Variants in ERGIC1 observed in about 807,000 individuals in gnomAD.
The protein encoded by ERGIC1 is endoplasmic reticulum-Golgi intermediate compartment protein 1.
In ERGIC1, 19 loss-of-function variants were observed where a neutral mutation model predicts 38.3. The observed-to-expected ratio is 0.50, with a 90% CI of 0.35 to 0.73. The LOEUF is 0.73. ERGIC1 is among the 30% of genes least tolerant of loss of function. ERGIC1 has a pLI of 0.01. For missense variants in ERGIC1, 294 were observed against 389.2 expected (o/e 0.76, Z 2.06); for synonymous variants, 124 against 157.6 (o/e 0.79, Z 1.60).
At chr5:172,835,172 G>C (rs1761004193) in intron 1 of ERGIC1, among the ~76,000 whole-genome samples, 1 of 152,210 alleles carries the variant, frequency 6.6e-6, no homozygotes, top group Non-Finnish European at 1.5e-5. Context: ...CTCCACCAGA[G>C]GTTCCCTTGA....
intron 8 of ERGIC1, chr5:172,934,582 G>A (rs548808079): frequency 1.2e-5 from 2 of 160,456 alleles, no homozygotes; most frequent in South Asian, 1.7e-4. Context: ...TATTCATCAT[G>A]TGTGGCTCAG....
At chr5:172,915,478 C>G in intron 5 of ERGIC1, 1 of 438,626 alleles carries the variant, frequency 2.3e-6, no homozygotes, top group South Asian at 1.7e-5. Context: ...CTTGTCCGCT[C>G]AGAAGGACCA....
At chr5:172,856,710 A>G (rs758345900) in intron 1 of ERGIC1, among the ~76,000 whole-genome samples, 5 of 152,158 alleles carry the variant, frequency 3.3e-5, no homozygotes, top group Non-Finnish European at 7.4e-5. Context: ...TATGGGTTAG[A>G]ATGGTTCCCA....
chr5:172,858,248 G>A (rs576579936), intron 1 of ERGIC1, among the ~76,000 whole-genome samples: 54 of 152,286 alleles, frequency 3.5e-4, no homozygotes, highest in East Asian at 1.4e-3. Context: ...CGGCTGAAGC[G>A]GCTGCTGGAC....
chr5:172,864,523 A>G (rs1349534128), intron 1 of ERGIC1, among the ~76,000 whole-genome samples: 2 of 151,928 alleles, frequency 1.3e-5, no homozygotes, highest in Non-Finnish European at 2.9e-5. Flanking sequence ...CAGGCAAGAG[A>G]AGGATAAATA....
intron 9 of ERGIC1, among the ~76,000 whole-genome samples, chr5:172,941,328 T>C (rs773586940): frequency 2.0e-5 from 3 of 152,216 alleles, no homozygotes; most frequent in Non-Finnish European, 2.9e-5. Flanking sequence ...GCTACCCTTA[T>C]TAAGCACCTA....
Position 172,914,450 on chromosome 5 carries a change from C to G in ERGIC1, c.251-264C>G, listed in dbSNP as rs1763298024. 1.6e-5 allele frequency: 9 copies of G among 564,044 alleles called. No homozygotes were observed. The South Asian group carries it at 1.8e-4, about 11-fold the overall frequency. The allele number at this position is 564,044 out of a possible 1,614,324, so 34.9% of individuals were successfully genotyped here. A position where few individuals can be genotyped will look rare whatever the true frequency, so the allele number is the denominator to read the frequency against. ...GCATCCAGAGGTTAAGTACCTGAGG[C>G]AGGACCCAGATTCAGAGGACCAGTA... On this transcript the variant is annotated intron_variant, in intron 4 of 9. Coordinates refer to ENST00000393784, the MANE Select transcript of ERGIC1 (RefSeq NM_001031711.3).
intron 1 of ERGIC1, among the ~76,000 whole-genome samples, chr5:172,848,336 G>A (rs79041692): frequency 0.014 from 2,148 of 152,296 alleles, 40 homozygotes; most frequent in African/African-American, 0.049. Context: ...CCATTGTGAT[G>A]AGTGCTGAGA....
intron 3 of ERGIC1, among the ~76,000 whole-genome samples, chr5:172,905,673 G>A (rs962962888): frequency 6.6e-6 from 1 of 152,240 alleles, no homozygotes; most frequent in African/African-American, 2.4e-5. Flanking sequence ...CCAGAGGGGT[G>A]GAAGTCAGCG....
chr5:172,886,221 T>C (rs571142219), intron 1 of ERGIC1, among the ~76,000 whole-genome samples: 3 of 152,144 alleles, frequency 2.0e-5, no homozygotes, highest in Non-Finnish European at 4.4e-5. Context: ...CTCCTCTCCC[T>C]GCACATCGGG....
chr5:172,847,907 A>T (rs1761317405), intron 1 of ERGIC1, among the ~76,000 whole-genome samples: 1 of 152,242 alleles, frequency 6.6e-6, no homozygotes, highest in African/African-American at 2.4e-5. Context: ...ACATCTTTGG[A>T]AATGGAAAAG....
chr5:172,837,635 A>G lies in ERGIC1; in HGVS notation c.20+3202A>G, dbSNP rs1346885396. On this transcript the variant is annotated intron_variant, in intron 1 of 9. Transcript: ENST00000393784. This position sits in a 1 kb window ranked among gnomAD's most constrained non-coding sequence, Gnocchi z 4.3. ...TGCCAGCTTCAGTGGGCAGATTTTC[A>G]GCCATTAGTGGAGAAATCTCCCCTC... is the stretch of plus-strand genomic sequence containing the variant. 6.6e-6 allele frequency among the ~76,000 whole-genome samples: 1 copy of G among 152,236 alleles called. No homozygotes were observed. Among genetic ancestry groups the G allele is most frequent in the African/African-American group, 2.4e-5 (1 of 41,462 alleles).
chr5:172,948,325 C>G (rs546980404), intron 9 of ERGIC1, among the ~76,000 whole-genome samples: 1 of 152,210 alleles, frequency 6.6e-6, no homozygotes, highest in Non-Finnish European at 1.5e-5. Context: ...TGGTTTGATT[C>G]GCACTTCCCT....
chr5:172,893,935 G>A (rs866327256), intron 2 of ERGIC1, among the ~76,000 whole-genome samples: 775 of 42,756 alleles, frequency 0.018, 63 homozygotes, highest in African/African-American at 0.045. Context: ...GTGTGTGTGT[G>A]TATATATATA....
chr5:172,917,668 T>A (rs1447337598), intron 5 of ERGIC1: 1 of 152,138 alleles, frequency 6.6e-6, no homozygotes, highest in African/African-American at 2.4e-5. Flanking sequence ...TCTATGAAGT[T>A]GGATGGGGGA....
intron 1 of ERGIC1, among the ~76,000 whole-genome samples, chr5:172,884,261 T>C (rs963184436): frequency 6.7e-6 from 1 of 149,936 alleles, no homozygotes; most frequent in South Asian, 2.1e-4. Flanking sequence ...TTTTTTTTTT[T>C]TTTTTTTTTA....
At chr5:172,841,840 C>T (rs867963848) in intron 1 of ERGIC1, among the ~76,000 whole-genome samples, 1 of 152,056 alleles carries the variant, frequency 6.6e-6, no homozygotes, top group African/African-American at 2.4e-5. Context: ...GATTTATTTT[C>T]TTTGTTTTAT....
chr5:172,950,814 T>A lies in ERGIC1; in HGVS notation c.871T>A (p.Ter291ArgextTer128). Residue 291 changes from the stop codon to arginine (R), a stop_lost, in exon 10 of 10, where the codon TGA (stop) becomes AGA (arginine). Transcript: ENST00000393784. ...WKKIQLGKMH* is the reference protein window; with the variant it reads ...WKKIQLGKMHR ...GAAGATCCAGCTGGGCAAGATGCAT[T>A]GACGCCACACCCAGCCTAATGGCCG... The A allele has an allele frequency of 6.2e-7, 1 of 1,608,434 alleles. No individual in the cohort carries two copies. The highest frequency in any genetic ancestry group is 8.5e-7 in the Non-Finnish European group (1 of 1,175,816).
At chr5:172,859,505 G>A (rs793017) in intron 1 of ERGIC1, among the ~76,000 whole-genome samples, 129,689 of 152,148 alleles carry the variant, frequency 0.85, 55,650 homozygotes, top group East Asian at 1. Context: ...AAAATGTCCT[G>A]AAGGTCACAG....
Sources: allele counts gnomAD v4.1 joint callset (sites outside exome capture counted in the v4.1 genomes callset), GRCh38; gene constraint gnomAD v4.1.1; non-coding constraint Gnocchi (gnomAD v3.1); transcripts MANE v1.5; gene names NCBI Gene and HGNC (gene_info 2026-07-23, HGNC 2026-07-21).